Variants in NPDC1 observed in about 807,000 individuals in gnomAD.
The protein encoded by NPDC1 is neural proliferation, differentiation and control 1, also known as neural proliferation differentiation and control protein 1.
NPDC1 carries 18 observed loss-of-function variants against 32.5 expected under a neutral mutation model. That is an observed-to-expected ratio of 0.55 (90% confidence interval 0.38 to 0.82). NPDC1 has a LOEUF of 0.82. Ranked by LOEUF, NPDC1 falls within the 40% of genes least tolerant of loss-of-function variation. The pLI is 0.00. For synonymous variants in NPDC1, 210 were observed against 184.7 expected (o/e 1.14, Z -1.11); for missense variants, 468 against 406.6 (o/e 1.15, Z -1.30).
intron 2 of NPDC1, among the ~76,000 whole-genome samples, chr9:137,041,928 C>A (rs572953671): frequency 6.6e-6 from 1 of 152,214 alleles, no homozygotes; most frequent in Non-Finnish European, 1.5e-5. Flanking sequence ...TGCCAACAGG[C>A]GGACAGGACA....
intron 1 of NPDC1, among the ~76,000 whole-genome samples, chr9:137,044,734 G>C (rs1410120767): frequency 6.6e-6 from 1 of 152,228 alleles, no homozygotes; most frequent in African/African-American, 2.4e-5. Flanking sequence ...GGTGAACTGA[G>C]GACTGGCACC....
intron 7 of NPDC1, 60 bp downstream of exon 7, chr9:137,040,297 G>A (rs866333284): frequency 6.9e-7 from 1 of 1,453,442 alleles, no homozygotes; most frequent in African/African-American, 1.4e-5. Flanking sequence ...TGGAAATGGA[G>A]GTGGAGGTGG....
At chr9:137,042,398 C>A (rs1351674122) in intron 2 of NPDC1, among the ~76,000 whole-genome samples, 1 of 150,332 alleles carries the variant, frequency 6.7e-6, no homozygotes, top group Non-Finnish European at 1.5e-5. Context: ...GGACTACAGG[C>A]GCCCGCCGCC....
At position 137,039,763 on chromosome 9, in the gene NPDC1, G is replaced by A; in HGVS notation, c.*9C>T. The A allele has an allele frequency of 1.3e-6, 1 of 758,364 alleles. No homozygotes were observed. Among genetic ancestry groups the A allele is most frequent in the South Asian group, 1.4e-5 (1 of 73,760 alleles). 47.0% of individuals were successfully genotyped at this position (758,364 alleles called of 1,614,324 possible). On this transcript the variant is annotated 3_prime_UTR_variant, in exon 9 of 9. Coordinates refer to ENST00000371601, the MANE Select transcript of NPDC1 (RefSeq NM_015392.4). ...TCGGGGAGCAGGTGGGCGTCTGTCT[G>A]CCTCCAGGTCATGGCAGTGCAGGCG...
chr9:137,040,883 CA>C lies in NPDC1; in HGVS notation c.486del (p.Val163CysfsTer25). Reference sequence around the variant, plus strand: ...GACATGTGCACCGGGTCGGATGACACAGGGGAGCCCAGGGAGGTGTGGGGCG... The same window carrying C: ...GACATGTGCACCGGGTCGGATGACACGGGGAGCCCAGGGAGGTGTGGGGCG... ...TPTPHTSLGSPVSSDPVHMSP... is the reference protein window; with the variant it reads ...TPTPHTSLGSXVSSDPVHMSP... On this transcript the variant is annotated frameshift_variant, in exon 4 of 9. Coordinates refer to ENST00000371601, the MANE Select transcript of NPDC1 (RefSeq NM_015392.4). LOFTEE classifies it high-confidence loss of function. 6.3e-7 allele frequency: 1 copy of C among 1,594,482 alleles called. No homozygotes were observed.
intron 1 of NPDC1, among the ~76,000 whole-genome samples, chr9:137,044,401 C>T (rs970177171): frequency 4.6e-5 from 7 of 152,168 alleles, no homozygotes; most frequent in African/African-American, 1.7e-4. Flanking sequence ...GAGGCAGTCC[C>T]CGCTCCTGTG....
At chr9:137,045,419 A>T (rs115417959) in intron 1 of NPDC1, among the ~76,000 whole-genome samples, 2,765 of 152,338 alleles carry the variant, frequency 0.018, 77 homozygotes, top group African/African-American at 0.061. Context: ...GCGTGAGGAC[A>T]GGCAGAGCAG....
chr9:137,042,629 G>T (rs114340242), intron 2 of NPDC1, among the ~76,000 whole-genome samples: 2 of 143,934 alleles, frequency 1.4e-5, no homozygotes, highest in Admixed American at 7.3e-5. Flanking sequence ...GTGGTGAATC[G>T]GCTCACTGCA....
Position 137,046,039 on chromosome 9 carries a change from G to A in NPDC1, c.-50C>T. ...CATGGCACCGCGAGGCCAGGGGCTC[G>A]GCGCGGGCTCCGGGCTCCGCGTCGG... On this transcript the variant is annotated 5_prime_UTR_variant, in exon 1 of 9. Transcript: ENST00000371601. 8.5e-7 allele frequency: 1 copy of A among 1,170,210 alleles called. No homozygotes were observed. Among genetic ancestry groups the A allele is most frequent in the Non-Finnish European group, 1.1e-6 (1 of 947,818 alleles). The allele number at this position is 1,170,210 out of a possible 1,614,324, so 72.5% of individuals were successfully genotyped here. A position where few individuals can be genotyped will look rare whatever the true frequency, so the allele number is the denominator to read the frequency against.
intron 2 of NPDC1, 187 bp downstream of exon 2, chr9:137,042,740 T>C: frequency 1.6e-6 from 1 of 631,070 alleles, no homozygotes; most frequent in East Asian, 2.8e-5. Flanking sequence ...GTATTTTTAG[T>C]AGAGACGGGG....
At position 137,040,344 on chromosome 9, in the gene NPDC1, G is replaced by T; in HGVS notation, c.788+13C>A. The T allele has an allele frequency of 6.5e-7, 1 of 1,538,110 alleles. No individual in the cohort carries two copies. The highest frequency in any genetic ancestry group is 8.7e-7 in the Non-Finnish European group (1 of 1,145,836). On this transcript the variant is annotated intron_variant, in intron 7 of 8. Coordinates refer to ENST00000371601, the MANE Select transcript of NPDC1 (RefSeq NM_015392.4). ...GGGTGGGTGGGGGTGGCAGTGCCGG[G>T]GCGGCCACTCACCGCTCCAGGCACA...
chr9:137,046,153 G>T lies in NPDC1; in HGVS notation c.-164C>A. ...GAGGAAGAGGAAAGGCACGGGCGGC[G>T]GCGCTGACGCTGCAGCAAGGATCCG... On this transcript the variant is annotated 5_prime_UTR_variant, in exon 1 of 9. Transcript: ENST00000371601. 2 of 1,099,570 alleles carry T rather than the reference G, an allele frequency of 1.8e-6. No individual in the cohort carries two copies. The highest frequency in any genetic ancestry group is 2.2e-6 in the Non-Finnish European group (2 of 902,858). 68.1% of individuals were successfully genotyped at this position (1,099,570 alleles called of 1,614,324 possible).
chr9:137,039,584 G>A lies in NPDC1; in HGVS notation c.*188C>T. ...GTCTAAACCGAACAGGAGAGGTGCA[G>A]GGGACCAGGAGGTGTCCTGGCACAA... On this transcript the variant is annotated 3_prime_UTR_variant, in exon 9 of 9. Coordinates refer to ENST00000371601, the MANE Select transcript of NPDC1 (RefSeq NM_015392.4). The A allele has an allele frequency of 1.7e-6, 1 of 577,114 alleles. No individual in the cohort carries two copies. Among genetic ancestry groups the A allele is most frequent in the Non-Finnish European group, 3.1e-6 (1 of 326,238 alleles). 35.7% of individuals were successfully genotyped at this position (577,114 alleles called of 1,614,324 possible).
chr9:137,042,706 T>C (rs1242328764), intron 2 of NPDC1, among the ~76,000 whole-genome samples: 1 of 151,880 alleles, frequency 6.6e-6, no homozygotes, highest in Non-Finnish European at 1.5e-5. Context: ...ACTACAGGTG[T>C]GTGCCACCAC....
At chr9:137,043,325 C>G in intron 1 of NPDC1, 4 of 717,614 alleles carry the variant, frequency 5.6e-6, no homozygotes, top group South Asian at 1.5e-5. Flanking sequence ...TGATAGAGCC[C>G]TCAGCTCAGA....
intron 2 of NPDC1, among the ~76,000 whole-genome samples, chr9:137,042,111 G>A (rs902913674): frequency 6.6e-6 from 1 of 152,252 alleles, no homozygotes; most frequent in African/African-American, 2.4e-5. Context: ...GACTGCCCCA[G>A]GCCTGGGCCC....
chr9:137,044,626 C>T (rs1832104102), intron 1 of NPDC1, among the ~76,000 whole-genome samples: 1 of 152,226 alleles, frequency 6.6e-6, no homozygotes, highest in Non-Finnish European at 1.5e-5. Flanking sequence ...TGCCTGAGGG[C>T]CCTCCCTTCC....
Position 137,043,028 on chromosome 9 carries a change from C to G in NPDC1, c.158G>C (p.Arg53Pro). 1.2e-6 allele frequency: 2 copies of G among 1,612,830 alleles called. No homozygotes were observed. Among genetic ancestry groups the G allele is most frequent in the Non-Finnish European group, 1.7e-6 (2 of 1,179,936 alleles). Reference protein sequence around the residue: ...PGSLDCALKRRARCPPGAHAC... With the variant: ...PGSLDCALKRPARCPPGAHAC... ...ATGTGCACCAGGAGGACACCTTGCCCGCCTCTTCAGGGCACAGTCCAGGCT... is the reference window on the plus strand; with the variant it reads ...ATGTGCACCAGGAGGACACCTTGCCGGCCTCTTCAGGGCACAGTCCAGGCT... Residue 53 changes from arginine (R) to proline (P), a missense_variant, in exon 2 of 9, where the codon CGG becomes CCG. Transcript: ENST00000371601.
chr9:137,045,235 C>A (rs1832112368), intron 1 of NPDC1, among the ~76,000 whole-genome samples: 1 of 152,250 alleles, frequency 6.6e-6, no homozygotes, highest in Non-Finnish European at 1.5e-5. Flanking sequence ...GCCCTCAGTC[C>A]CAAAGACAGA....
Sources: gnomAD v4.1 joint callset for allele counts (sites outside exome capture counted in the v4.1 genomes callset) on GRCh38, gnomAD v4.1.1 for gene constraint, MANE v1.5 for transcripts, NCBI Gene and HGNC (gene_info 2026-07-23, HGNC 2026-07-21) for gene names.